SEC31A: variants seen among roughly 807,000 people sequenced by gnomAD.
SEC31A encodes SEC31 homolog A, COPII component.
A neutral mutation model predicts 151.0 loss-of-function variants in SEC31A; 70 were observed. The ratio of observed to expected loss-of-function variants is 0.46; its 90% CI spans 0.38 to 0.57. The LOEUF (loss-of-function observed/expected upper bound fraction) is 0.57. Ranked by LOEUF, SEC31A falls within the 20% of genes least tolerant of loss-of-function variation. The probability of loss-of-function intolerance (pLI) is 0.00; values close to 1 mark genes in which losing one functional copy is unlikely to be tolerated. For synonymous variants in SEC31A, 475 were observed against 505.9 expected (o/e 0.94, Z 0.82); for missense variants, 1,330 against 1,471.2 (o/e 0.90, Z 1.57).
At chr4:82,898,333 G>A (rs898294987) in intron 3 of SEC31A, among the ~76,000 whole-genome samples, 3 of 152,086 alleles carry the variant, frequency 2.0e-5, no homozygotes, top group Admixed American at 1.3e-4. Context: ...ATAAACAAAT[G>A]TAAAGATACA....
At chr4:82,834,107 ATG>A (rs1726665152) in intron 22 of SEC31A, among the ~76,000 whole-genome samples, 1 of 152,220 alleles carries the variant, frequency 6.6e-6, no homozygotes, top group African/African-American at 2.4e-5. Flanking sequence ...CTAGCTCTCC[ATG>A]TGAGATATGA....
chr4:82,877,800 T>G (rs1251580984), intron 4 of SEC31A: 1 of 152,236 alleles, frequency 6.6e-6, no homozygotes, highest in Non-Finnish European at 1.5e-5. Flanking sequence ...CAAGCGATTC[T>G]CCTGCCTCAG....
intron 1 of SEC31A, among the ~76,000 whole-genome samples, chr4:82,887,388 G>GAGAAAAGAAAAGAAAAGAAA (rs58208029): frequency 4.6e-5 from 7 of 150,804 alleles, no homozygotes; most frequent in Admixed American, 6.6e-5. Context: ...AGAAAACATT[G>GAGAAAAGAAAAGAAAAGAAA]AGAAAAGAAA....
chr4:82,850,500 A>G (rs1199467316), intron 19 of SEC31A, among the ~76,000 whole-genome samples: 2 of 152,222 alleles, frequency 1.3e-5, no homozygotes, highest in Admixed American at 1.3e-4. Flanking sequence ...ATAATTCTCT[A>G]AAACAGACAA....
At chr4:82,849,430 C>T (rs1226208226) in intron 19 of SEC31A, among the ~76,000 whole-genome samples, 1 of 151,884 alleles carries the variant, frequency 6.6e-6, no homozygotes, top group African/African-American at 2.4e-5. Flanking sequence ...CTGGCTAACA[C>T]GGTGAAACCC....
intron 11 of SEC31A, 113 bp downstream of exon 11, chr4:82,864,249 G>T: frequency 1.3e-6 from 1 of 754,030 alleles, no homozygotes; most frequent in South Asian, 1.8e-5. Flanking sequence ...ATGATGAATT[G>T]CTGAAATCAC....
Position 82,851,544 on chromosome 4 carries a change from T to C in SEC31A, c.2215A>G (p.Thr739Ala). ...KAVQLTQAMD[T>A]STVGVLLAAK... The stretch of plus-strand genomic sequence containing the variant: ...GCCAAGAGAACTCCTACAGTACTAG[T>C]GTCCATGGCTTGAGTGAGTTGCACA... Residue 739 changes from threonine to alanine, a missense_variant, in exon 19 of 27, where the codon ACT becomes GCT. Physicochemically the swap from Thr to Ala is moderately conservative, Grantham distance 58. Transcript: ENST00000395310. 7 of 1,613,830 alleles carry C rather than the reference T, an allele frequency of 4.3e-6. No homozygotes were observed. In the South Asian group the frequency reaches 4.4e-5, roughly 10 times the overall value.
At chr4:82,877,571 G>A (rs1738275540) in intron 4 of SEC31A, 1 of 151,692 alleles carries the variant, frequency 6.6e-6, no homozygotes, top group Non-Finnish European at 1.5e-5. Context: ...GTAATGACAG[G>A]GTTTCACCAT....
At chr4:82,857,374 A>G (rs1732896954) in intron 15 of SEC31A, among the ~76,000 whole-genome samples, 1 of 152,212 alleles carries the variant, frequency 6.6e-6, no homozygotes, top group African/African-American at 2.4e-5. Context: ...ATTATCAAAG[A>G]TCACCTAGGT....
chr4:82,837,339 T>C (rs1006450456), intron 22 of SEC31A, among the ~76,000 whole-genome samples: 1 of 151,732 alleles, frequency 6.6e-6, no homozygotes, highest in Non-Finnish European at 1.5e-5. Flanking sequence ...TTTTATTTTA[T>C]TTTTTATATG....
chr4:82,871,842 A>C, intron 7 of SEC31A, 102 bp downstream of exon 7: 1 of 1,481,296 alleles, frequency 6.8e-7, no homozygotes, highest in Non-Finnish European at 9.1e-7. Flanking sequence ...CCATCTAAAA[A>C]AAAAAGTTCC....
At chr4:82,888,703 A>T (rs1371479665) in intron 1 of SEC31A, among the ~76,000 whole-genome samples, 4 of 152,122 alleles carry the variant, frequency 2.6e-5, no homozygotes, top group Non-Finnish European at 4.4e-5. Flanking sequence ...AAAAATAAAA[A>T]AAAAAAAAAA....
At chr4:82,893,347 G>A (rs72923483), upstream of SEC31A, 1 of 152,192 alleles carries the variant, frequency 6.6e-6, no homozygotes, top group Non-Finnish European at 1.5e-5. Context: ...AGGATTATAG[G>A]CATGAGCCTC....
chr4:82,878,639 T>C, intron 4 of SEC31A, 91 bp downstream of exon 4: 1 of 1,097,894 alleles, frequency 9.1e-7, no homozygotes, highest in Non-Finnish European at 1.3e-6. Flanking sequence ...TTTTTAACTT[T>C]CAATTCCAAA....
chr4:82,880,660 A>T, intron 3 of SEC31A, 139 bp downstream of exon 3: 1 of 721,176 alleles, frequency 1.4e-6, no homozygotes, highest in Non-Finnish European at 2.1e-6. Context: ...AAATTCACTC[A>T]CATGCTTTTT....
intron 8 of SEC31A, 110 bp downstream of exon 8, chr4:82,870,215 A>G (rs895369411): frequency 9.1e-6 from 7 of 771,144 alleles, no homozygotes; most frequent in Admixed American, 8.8e-5. Flanking sequence ...ACACGTCCAC[A>G]TACTCTTCAC....
At chr4:82,828,610 A>C (rs1307332864) in intron 23 of SEC31A, among the ~76,000 whole-genome samples, 1 of 147,906 alleles carries the variant, frequency 6.8e-6, no homozygotes, top group Non-Finnish European at 1.5e-5. Flanking sequence ...ACGTGACAGA[A>C]AAAGTCCAAA....
At chr4:82,870,621 C>T (rs1272249688) in intron 7 of SEC31A, among the ~76,000 whole-genome samples, 197 bp from the exon 8 acceptor site, 1 of 152,088 alleles carries the variant, frequency 6.6e-6, no homozygotes, top group Non-Finnish European at 1.5e-5. Context: ...TCACTTGAAC[C>T]TGGGAGGTGG....
chr4:82,819,043 G>A lies in SEC31A; in HGVS notation c.*31C>T, dbSNP rs1722775771. 1.9e-6 allele frequency: 3 copies of A among 1,548,664 alleles called. No homozygotes were observed. Among genetic ancestry groups the A allele is most frequent in the Admixed American group, 2.1e-5 (1 of 47,892 alleles). On this transcript the variant is annotated 3_prime_UTR_variant, in exon 27 of 27. Transcript: ENST00000395310. ...TTTTAACATGTTTCTTTGGAAAAAT[G>A]GCAATATTGAGTGGAAGAGAAGCTG...
Sources: allele counts gnomAD v4.1 joint callset (sites outside exome capture counted in the v4.1 genomes callset), GRCh38; gene constraint gnomAD v4.1.1; transcripts MANE v1.5; gene names NCBI Gene and HGNC (gene_info 2026-07-23, HGNC 2026-07-21).